GLIS3: variants seen among roughly 807,000 people sequenced by gnomAD.
GLIS3 encodes the protein zinc finger protein GLIS3.
Under a neutral mutation model 78.6 loss-of-function variants are expected in GLIS3, and 53 were observed. The observed-to-expected ratio is 0.67, with a 90% CI of 0.54 to 0.85. GLIS3 has a LOEUF of 0.85. Among genes scored for constraint, GLIS3 ranks in the 40% least tolerant of loss-of-function variants. GLIS3 has a pLI of 0.00. For synonymous variants in GLIS3, 684 were observed against 509.9 expected, an observed-to-expected ratio of 1.34 and a Z score of -4.60; for missense variants, 1,703 against 1,231.1, an observed-to-expected ratio of 1.38 and a Z score of -5.74.
At chr9:4,138,034 G>A (rs558026254) in intron 2 of GLIS3, among the ~76,000 whole-genome samples, 24 of 152,336 alleles carry the variant, frequency 1.6e-4, no homozygotes, top group Non-Finnish European at 2.8e-4. Context: ...TGTTTATTGT[G>A]TCCCTGCTCT....
intron 4 of GLIS3, among the ~76,000 whole-genome samples, chr9:4,066,793 C>T (rs755453176): frequency 1.1e-4 from 16 of 152,224 alleles, no homozygotes; most frequent in Admixed American, 3.3e-4. Context: ...CTTGTTCTAG[C>T]GTGCTTGTCT....
chr9:3,901,893 G>A (rs1417492462), intron 6 of GLIS3, among the ~76,000 whole-genome samples: 2 of 152,156 alleles, frequency 1.3e-5, no homozygotes, highest in Admixed American at 6.5e-5. Context: ...TTCAAGGCTT[G>A]GAATGAGTTC....
intron 2 of GLIS3, among the ~76,000 whole-genome samples, chr9:4,164,176 A>G (rs764702349): frequency 2.0e-5 from 3 of 152,190 alleles, no homozygotes; most frequent in Non-Finnish European, 4.4e-5. Context: ...AAAAGCCAAC[A>G]ATGTTATTAC....
At chr9:4,281,031 T>C (rs942247740) in intron 2 of GLIS3, among the ~76,000 whole-genome samples, 53 of 152,226 alleles carry the variant, frequency 3.5e-4, no homozygotes, top group African/African-American at 1.2e-3. Flanking sequence ...ATTTATCAAG[T>C]AGTTAGGTGT....
chr9:4,355,119 G>A, the GLIS3 span, among the ~76,000 whole-genome samples: 6 of 147,976 alleles, frequency 4.1e-5, no homozygotes, highest in African/African-American at 5.0e-5. Flanking sequence ...GCGACAGAGC[G>A]AGACTCCATC....
At chr9:4,392,337 C>G in the GLIS3 span, among the ~76,000 whole-genome samples, 1 of 152,172 alleles carries the variant, frequency 6.6e-6, no homozygotes, top group Non-Finnish European at 1.5e-5. Context: ...TGCAAACCAC[C>G]ATGGCACACG....
At chr9:4,140,688 G>T (rs1402407044) in intron 2 of GLIS3, among the ~76,000 whole-genome samples, 1 of 152,088 alleles carries the variant, frequency 6.6e-6, no homozygotes, top group African/African-American at 2.4e-5. Context: ...AGCCCATTCA[G>T]CAGCTCATGT....
In GLIS3 at chr9:4,266,617, C is replaced by T. The variant is rs1054805489; in HGVS notation, c.388+19421G>A. On this transcript the variant is annotated intron_variant, in intron 2 of 10. Transcript: ENST00000381971. ...GTGTACACACACACACACACACACA[C>T]ACACACACACACACTTTCCTTAGCA... Among the ~76,000 whole-genome samples the T allele has an allele frequency of 3.3e-5, 5 of 152,152 alleles. No individual in the cohort carries two copies. In the South Asian group the frequency reaches 1.0e-3, roughly 32 times the overall value.
upstream of GLIS3, among the ~76,000 whole-genome samples, chr9:4,350,459 T>A (rs1444363031): frequency 6.6e-6 from 1 of 152,216 alleles, no homozygotes; most frequent in African/African-American, 2.4e-5. Flanking sequence ...GAAAATTTCT[T>A]TAAACTGCAT....
chr9:4,062,581 T>G (rs1826740474), intron 4 of GLIS3, among the ~76,000 whole-genome samples: 2 of 152,318 alleles, frequency 1.3e-5, no homozygotes, highest in Middle Eastern at 3.4e-3. Context: ...AAAATGGGAT[T>G]ATAACTCTTC....
At chr9:4,053,241 G>C (rs183428606) in intron 4 of GLIS3, among the ~76,000 whole-genome samples, 33 of 152,204 alleles carry the variant, frequency 2.2e-4, no homozygotes, top group Non-Finnish European at 4.3e-4. Context: ...GAGCCACAGC[G>C]CCCAGCCTCA....
chr9:4,092,213 G>A (rs933130904), intron 4 of GLIS3, among the ~76,000 whole-genome samples: 14 of 148,254 alleles, frequency 9.4e-5, no homozygotes, highest in East Asian at 4.0e-4. Context: ...GTGGAGTGGC[G>A]CAGTCTCGGC....
At chr9:4,208,750 T>C (rs1820103815) in intron 2 of GLIS3, among the ~76,000 whole-genome samples, 1 of 152,192 alleles carries the variant, frequency 6.6e-6, no homozygotes, top group Non-Finnish European at 1.5e-5. Flanking sequence ...GTGTCCAGTT[T>C]TGCCCAAAGC....
intron 2 of GLIS3, among the ~76,000 whole-genome samples, chr9:4,134,542 T>A (rs7023451): frequency 0.25 from 37,626 of 152,148 alleles, 5,512 homozygotes; most frequent in South Asian, 0.35. Flanking sequence ...CTATACACCC[T>A]ACATGGTTGC....
chr9:4,392,755 C>G, the GLIS3 span, among the ~76,000 whole-genome samples: 7 of 152,138 alleles, frequency 4.6e-5, no homozygotes, highest in African/African-American at 1.7e-4. Flanking sequence ...TGCTATCACC[C>G]AAGGGAGCAC....
At chr9:3,896,070 A>G (rs1322800469) in intron 7 of GLIS3, among the ~76,000 whole-genome samples, 1 of 152,206 alleles carries the variant, frequency 6.6e-6, no homozygotes, top group Admixed American at 6.5e-5. Context: ...TTGTCTTAAC[A>G]CTTCAGATTT....
At chr9:4,461,694 G>A in the GLIS3 span, among the ~76,000 whole-genome samples, 1 of 152,118 alleles carries the variant, frequency 6.6e-6, no homozygotes, top group African/African-American at 2.4e-5. Flanking sequence ...TTGGGGTAAA[G>A]CCTTAAGAAC....
At chr9:3,997,539 G>A (rs902620091) in intron 4 of GLIS3, among the ~76,000 whole-genome samples, 3 of 151,828 alleles carry the variant, frequency 2.0e-5, no homozygotes, top group African/African-American at 7.3e-5. Context: ...AAAAATATGG[G>A]CAAATTAACT....
intron 2 of GLIS3, among the ~76,000 whole-genome samples, chr9:4,210,920 C>G (rs1296190902): frequency 2.0e-5 from 3 of 152,198 alleles, no homozygotes; most frequent in African/African-American, 7.2e-5. Flanking sequence ...ATCTAGGAAG[C>G]TTCCCTGACA....
Sources: gnomAD v4.1 joint callset for allele counts (sites outside exome capture counted in the v4.1 genomes callset) on GRCh38, gnomAD v4.1.1 for gene constraint, MANE v1.5 for transcripts, NCBI Gene and HGNC (gene_info 2026-07-23, HGNC 2026-07-21) for gene names.